Variants in DDX27 observed in about 807,000 individuals in gnomAD.
DDX27 encodes the protein probable ATP-dependent RNA helicase DDX27.
In DDX27, 42 loss-of-function variants were observed where a neutral mutation model predicts 99.3. That is an observed-to-expected ratio of 0.42 (90% CI 0.33 to 0.55). The LOEUF is 0.55. Among genes scored for constraint, DDX27 ranks in the 20% least tolerant of loss-of-function variants. The pLI, the probability that DDX27 is intolerant of heterozygous loss-of-function variation, is 0.07. For missense variants in DDX27, 798 were observed against 976.8 expected (o/e 0.82, Z 2.44); for synonymous variants, 329 against 353.8 (o/e 0.93, Z 0.79).
intron 1 of DDX27, among the ~76,000 whole-genome samples, chr20:49,220,731 CCGGTCACACCCA>C (rs1979630458): frequency 6.6e-6 from 1 of 152,186 alleles, no homozygotes; most frequent in South Asian, 2.1e-4. Flanking sequence ...TGTACAGTGC[CCGGTCACACCCA>C]TGATGCGGGG....
chr20:49,219,521 T>C lies in DDX27; in HGVS notation c.73T>C (p.Ser25Pro), dbSNP rs1392216864. ...DEVPVEPESD[S>P]GDEEEEGPIV... is the part of the protein sequence containing the mutation. ...GGTGCCGGTGGAGCCCGAGTCTGAC[T>C]CCGGGGACGAGGAAGAGGAGGTATG... The change falls in exon 1 of 21, where the codon TCC becomes CCC. Residue 25 changes from serine to proline, a missense_variant. By Grantham distance (74) the Ser-to-Pro change is moderately conservative. Transcript: ENST00000618172. 1 of 1,613,692 alleles carries C rather than the reference T, an allele frequency of 6.2e-7. No homozygotes were observed. Among genetic ancestry groups the C allele is most frequent in the Non-Finnish European group, 8.5e-7 (1 of 1,179,870 alleles).
In DDX27 at chr20:49,233,625, A is replaced by C. The variant is rs569906981; in HGVS notation, c.1189A>C (p.Asn397His). ...KNPVRIFVNS[N>H]TDVAPFLRQE... is the part of the protein sequence containing the mutation. ...TCCTGTCCGGATATTTGTGAACAGC[A>C]ACACAGATGTGGCTCCCTTCCTGCG... The change falls in exon 11 of 21, where the codon AAC becomes CAC. Residue 397 changes from asparagine (N) to histidine (H), a missense_variant. By Grantham distance (68) the Asn-to-His change is moderately conservative. Coordinates refer to ENST00000618172, the MANE Select transcript of DDX27 (RefSeq NM_017895.8). The C allele has an allele frequency of 1.1e-5, 17 of 1,614,088 alleles. No homozygotes were observed. In the African/African-American group the frequency reaches 1.9e-4, roughly 18 times the overall value.
At position 49,233,602 on chromosome 20, in the gene DDX27, C is replaced by T. The variant is rs774482594; in HGVS notation, c.1166C>T (p.Pro389Leu). ...KDLASVSLKN[P>L]VRIFVNSNTD... is the part of the protein sequence containing the mutation. ...CTGGCTTCTGTCTCCTTGAAGAATC[C>T]TGTCCGGATATTTGTGAACAGCAAC... The change falls in exon 11 of 21, where the codon CCT becomes CTT. Residue 389 changes from proline (P) to leucine (L), a missense_variant. This residue lies in a region of DDX27 where 553 missense variants were observed against 727.9 expected (regional missense o/e 0.76). Transcript: ENST00000618172. The T allele has an allele frequency of 1.2e-5, 20 of 1,613,962 alleles. No individual in the cohort carries two copies. The highest frequency in any genetic ancestry group is 1.6e-5 in the Non-Finnish European group (19 of 1,179,876).
chr20:49,226,241 TTTA>T (rs1354842653), intron 6 of DDX27, among the ~76,000 whole-genome samples, 186 bp from the exon 7 acceptor site: 1 of 152,168 alleles, frequency 6.6e-6, no homozygotes, highest in Non-Finnish European at 1.5e-5. Context: ...TTTTATTTCT[TTTA>T]TTTACTGCTG....
intron 14 of DDX27, chr20:49,238,651 A>G (rs1331079044): frequency 5.8e-6 from 2 of 345,814 alleles, no homozygotes; most frequent in Admixed American, 9.3e-5. Context: ...TATTTTTAAT[A>G]GAGACGGGGT....
chr20:49,227,049 A>G (rs1979921984), intron 7 of DDX27, among the ~76,000 whole-genome samples: 1 of 149,944 alleles, frequency 6.7e-6, no homozygotes, highest in East Asian at 2.0e-4. Flanking sequence ...TTTTTAGTAG[A>G]GACGGGGTTT....
intron 11 of DDX27, 187 bp from the exon 12 acceptor site, chr20:49,234,748 A>T (rs1362211846): frequency 6.8e-6 from 4 of 588,462 alleles, no homozygotes; most frequent in African/African-American, 1.9e-5. Context: ...ACTCTCTCTC[A>T]CAGCATTTTT....
rs1980299507 is a variant in DDX27 at position 49,236,171 on chromosome 20, T to A, written c.1449T>A (p.Ile483=). The change falls in exon 13 of 21, where the codon ATT becomes ATA. Residue 483 remains isoleucine, a synonymous_variant. Coordinates refer to ENST00000618172, the MANE Select transcript of DDX27 (RefSeq NM_017895.8). This position sits in a 1 kb window ranked among gnomAD's most constrained non-coding sequence, Gnocchi z 4.1. ...CTAGGCGTTTTAAGGATGAACAGAT[T>A]GACATCCTCGTGGCCACTGATGTGG... ...EALRRFKDEQ[I]DILVATDVAA... is the part of the protein sequence containing the mutation. 12 of 1,612,374 alleles carry A rather than the reference T, an allele frequency of 7.4e-6. No homozygotes were observed. Among genetic ancestry groups the A allele is most frequent in the Non-Finnish European group, 1.0e-5 (12 of 1,179,248 alleles).
intron 1 of DDX27, among the ~76,000 whole-genome samples, chr20:49,220,351 G>A (rs1979605131): frequency 6.6e-6 from 1 of 152,028 alleles, no homozygotes; most frequent in Non-Finnish European, 1.5e-5. Flanking sequence ...CCCTAGCTCC[G>A]GCTACTGCTG....
intron 14 of DDX27, among the ~76,000 whole-genome samples, chr20:49,237,757 C>G (rs1215721957): frequency 6.6e-6 from 1 of 152,100 alleles, no homozygotes; most frequent in Non-Finnish European, 1.5e-5. Flanking sequence ...GGTCTGAGGG[C>G]AAAGTGCTGA....
chr20:49,242,385 T>G lies in DDX27; in HGVS notation c.2116+179T>G, dbSNP rs238203. On this transcript the variant is annotated intron_variant, in intron 18 of 20. Transcript: ENST00000618172. ...AAGGGGCGCAGTGACCTTGTGGTTGTTGAGAACTAGGATTTGAACGCCAGC... is the reference window on the plus strand; with the variant it reads ...AAGGGGCGCAGTGACCTTGTGGTTGGTGAGAACTAGGATTTGAACGCCAGC... 0.68 allele frequency among the ~76,000 whole-genome samples: 103,899 copies of G among 152,048 alleles called. 36,455 individuals carry two copies. The highest frequency in any genetic ancestry group is 0.78 in the Non-Finnish European group (52,698 of 67,986).
In DDX27 at chr20:49,236,625, T is replaced by G; in HGVS notation, c.1687+115T>G. 1 of 1,067,556 alleles carries G rather than the reference T, an allele frequency of 9.4e-7. No individual in the cohort carries two copies. Among genetic ancestry groups the G allele is most frequent in the African/African-American group, 1.6e-5 (1 of 61,458 alleles). The allele number at this position is 1,067,556 out of a possible 1,614,324, so 66.1% of individuals were successfully genotyped here. On this transcript the variant is annotated intron_variant, in intron 14 of 20. Coordinates refer to ENST00000618172, the MANE Select transcript of DDX27 (RefSeq NM_017895.8). The surrounding 1 kb of genome is among the most constrained non-coding windows in gnomAD (Gnocchi z 4.1). The stretch of plus-strand genomic sequence containing the variant: ...CAGAGCCAGATTTGAATTCCAGCCC[T>G]GCTGCTTCCTTGCCGAGTGACCATG...
At chr20:49,225,927 C>T (rs1417565764) in intron 6 of DDX27, among the ~76,000 whole-genome samples, 2 of 152,182 alleles carry the variant, frequency 1.3e-5, no homozygotes, top group Non-Finnish European at 2.9e-5. Context: ...CTGCTCTGGC[C>T]ACACTGGCCT....
chr20:49,234,620 C>T, intron 11 of DDX27: 1 of 217,328 alleles, frequency 4.6e-6, no homozygotes, highest in East Asian at 1.0e-4. Context: ...TCATGTTTGC[C>T]ATTTCCTCTG....
intron 9 of DDX27, 98 bp downstream of exon 9, chr20:49,230,447 G>A (rs1980067141): frequency 1.4e-6 from 2 of 1,419,868 alleles, no homozygotes; most frequent in Admixed American, 4.3e-5. Flanking sequence ...GTGGCTCTGG[G>A]CCATGGCTGT....
rs1372438569 is a variant in DDX27, at chr20:49,221,453, G to A, written c.95G>A (p.Gly32Glu). 1.4e-5 allele frequency: 23 copies of A among 1,612,762 alleles called. No individual in the cohort carries two copies. The highest frequency in any genetic ancestry group is 1.9e-5 in the Non-Finnish European group (23 of 1,179,832). ...CACTCTGTCTCTTACTCTTCCCAGG[G>A]GCCCATTGTGCTGGGCAGACGACAA... Reference protein sequence around the residue: ...ESDSGDEEEEGPIVLGRRQKA... With the variant: ...ESDSGDEEEEEPIVLGRRQKA... The change falls in exon 2 of 21, where the codon GGG becomes GAG. Residue 32 changes from glycine to glutamate, a missense_variant and splice_region_variant. By Grantham distance (98) the Gly-to-Glu change is moderately conservative. This residue lies in a region of DDX27 where 245 missense variants were observed against 248.8 expected (regional missense o/e 0.98). Transcript: ENST00000618172.
At chr20:49,241,242 A>G (rs1340860498) in intron 16 of DDX27, among the ~76,000 whole-genome samples, 2 of 152,192 alleles carry the variant, frequency 1.3e-5, no homozygotes, top group Non-Finnish European at 2.9e-5. Context: ...CAGCAGTTTT[A>G]GAAATGCTGT....
chr20:49,234,079 T>G, intron 11 of DDX27: 1 of 204,388 alleles, frequency 4.9e-6, no homozygotes, highest in African/African-American at 2.2e-5. Flanking sequence ...TTACAATGAT[T>G]GCTTGCAGAA....
chr20:49,220,610 G>A (rs1979620673), intron 1 of DDX27, among the ~76,000 whole-genome samples: 2 of 152,136 alleles, frequency 1.3e-5, no homozygotes, highest in African/African-American at 4.8e-5. Context: ...GATGTCCCCT[G>A]TGGGCGCGGG....
Sources: gnomAD v4.1 joint callset for allele counts (sites outside exome capture counted in the v4.1 genomes callset) on GRCh38, gnomAD v4.1.1 for gene constraint, gnomAD v4.1.1 regional missense constraint, Gnocchi (gnomAD v3.1) non-coding constraint, MANE v1.5 for transcripts, NCBI Gene and HGNC (gene_info 2026-07-23, HGNC 2026-07-21) for gene names.